The following ARSB variants were observed in gnomAD, a reference collection of about 807,000 sequenced individuals.
ARSB encodes the protein N-acetylgalactosamine-4-sulfatase.
A neutral mutation model predicts 50.9 loss-of-function variants in ARSB; 41 were observed. The observed-to-expected ratio is 0.81, with a 90% CI of 0.63 to 1.04. The LOEUF (loss-of-function observed/expected upper bound fraction) is 1.04, where lower values mean the gene tolerates loss of function less well. ARSB is among the 50% of genes least tolerant of loss of function. ARSB has a pLI of 0.00. For synonymous variants in ARSB, 269 were observed against 284.8 expected, an observed-to-expected ratio of 0.94 and a Z score of 0.56; for missense variants, 672 against 693.3, an observed-to-expected ratio of 0.97 and a Z score of 0.35.
intron 4 of ARSB, among the ~76,000 whole-genome samples, chr5:78,928,550 A>G (rs912283433): frequency 6.6e-6 from 1 of 152,086 alleles, no homozygotes; most frequent in Non-Finnish European, 1.5e-5. Flanking sequence ...TGCTGACTTC[A>G]GGTGATCCGC....
At chr5:78,785,493 T>C (rs1264525753) in intron 6 of ARSB, among the ~76,000 whole-genome samples, 1 of 152,224 alleles carries the variant, frequency 6.6e-6, no homozygotes, top group Non-Finnish European at 1.5e-5. Context: ...ATAATTATTT[T>C]GAAAACTCCC....
chr5:78,902,240 G>C (rs776296125), intron 4 of ARSB, among the ~76,000 whole-genome samples: 4 of 152,198 alleles, frequency 2.6e-5, no homozygotes, highest in Non-Finnish European at 4.4e-5. Flanking sequence ...ATCTATTCAT[G>C]ATGGCAAAAC....
In ARSB at chr5:78,920,338, G is replaced by A. The variant is rs189814718; in HGVS notation, c.899-34511C>T. On this transcript the variant is annotated intron_variant, in intron 4 of 7. Transcript: ENST00000264914. ...GTGGGAGGATCGCTTGAACCCAGGA[G>A]TTTGAGACCAGCCTGAGCAACATAG... is the stretch of plus-strand genomic sequence containing the variant. Among the ~76,000 whole-genome samples, 17 of 152,280 alleles carry A rather than the reference G, an allele frequency of 1.1e-4. No homozygotes were observed. The East Asian group carries it at 2.3e-3, about 21-fold the overall frequency.
chr5:78,814,188 C>A (rs1743911444), intron 6 of ARSB, among the ~76,000 whole-genome samples: 1 of 151,092 alleles, frequency 6.6e-6, no homozygotes, highest in South Asian at 2.1e-4. Context: ...ATATACAGAG[C>A]AAAAAGACAT....
intron 6 of ARSB, among the ~76,000 whole-genome samples, chr5:78,823,787 T>G (rs1441102076): frequency 6.6e-6 from 1 of 152,250 alleles, no homozygotes; most frequent in African/African-American, 2.4e-5. Context: ...ATCATGTTAC[T>G]TTAGGATCAG....
chr5:78,926,061 A>G (rs1201566388), intron 4 of ARSB, among the ~76,000 whole-genome samples: 1 of 152,174 alleles, frequency 6.6e-6, no homozygotes, highest in Non-Finnish European at 1.5e-5. Context: ...TTTGAACTAT[A>G]TAGTTTCTAA....
At chr5:78,964,852 A>C (rs1561530605) in intron 2 of ARSB, among the ~76,000 whole-genome samples, 1 of 138,308 alleles carries the variant, frequency 7.2e-6, no homozygotes, top group Admixed American at 6.9e-5. Flanking sequence ...ATGTAACACT[A>C]ACAGTTTTTT....
intron 6 of ARSB, among the ~76,000 whole-genome samples, chr5:78,833,948 T>C (rs769652999): frequency 8.5e-5 from 13 of 152,208 alleles, no homozygotes; most frequent in Non-Finnish European, 1.6e-4. Flanking sequence ...TTATTTTTAC[T>C]TAGGCACAAA....
Position 78,969,104 on chromosome 5 carries a change from T to G in ARSB, c.401A>C (p.Lys134Thr). 1 of 1,614,124 alleles carries G rather than the reference T, an allele frequency of 6.2e-7. No homozygotes were observed. Among genetic ancestry groups the G allele is most frequent in the Non-Finnish European group, 8.5e-7 (1 of 1,180,010 alleles). The change falls in exon 2 of 8, where the codon AAA becomes ACA. Residue 134 changes from lysine to threonine, a missense_variant. Physicochemically the swap from Lys to Thr is moderately conservative, Grantham distance 78. Coordinates refer to ENST00000264914, the MANE Select transcript of ARSB (RefSeq NM_000046.5). ...LDEKLLPQLL[K>T]EAGYTTHMVG... ...CATATGGGTAGTATAACCTGCTTCT[T>G]TTAGGAGCTGGGGCAGGAGTTTTTC...
intron 2 of ARSB, among the ~76,000 whole-genome samples, chr5:78,967,927 A>C (rs1345932710): frequency 3.3e-5 from 5 of 152,230 alleles, no homozygotes; most frequent in Non-Finnish European, 7.3e-5. Flanking sequence ...CACTATAAAA[A>C]GAACTTGAAA....
intron 6 of ARSB, among the ~76,000 whole-genome samples, chr5:78,812,902 GA>G (rs1743867054): frequency 6.6e-6 from 1 of 152,122 alleles, no homozygotes; most frequent in Non-Finnish European, 1.5e-5. Context: ...GATATGGGAG[GA>G]TTGCTGGAGC....
chr5:78,828,769 TC>T (rs34127515), intron 6 of ARSB, among the ~76,000 whole-genome samples: 58,532 of 152,000 alleles, frequency 0.39, 11,662 homozygotes, highest in African/African-American at 0.47. Context: ...CACGTCCCAA[TC>T]CCCAGGACCT....
intron 4 of ARSB, among the ~76,000 whole-genome samples, chr5:78,923,515 G>A (rs560170078): frequency 8.5e-5 from 13 of 152,240 alleles, no homozygotes; most frequent in Non-Finnish European, 1.8e-4. Flanking sequence ...CACTGTCTTA[G>A]TAAGTGTGGT....
chr5:78,790,364 A>G (rs1749203624), intron 6 of ARSB, among the ~76,000 whole-genome samples: 1 of 152,190 alleles, frequency 6.6e-6, no homozygotes, highest in African/African-American at 2.4e-5. Context: ...AAATGCAACG[A>G]TACATTAAAA....
In ARSB at chr5:78,895,773, T is replaced by C. The variant is rs115679786; in HGVS notation, c.899-9946A>G. ...CCCAGGAAGCAGGCAGGGAGATCCATGTCTGGGCTCCGGAAATGGATAGTC... is the reference window on the plus strand; with the variant it reads ...CCCAGGAAGCAGGCAGGGAGATCCACGTCTGGGCTCCGGAAATGGATAGTC... On this transcript the variant is annotated intron_variant, in intron 4 of 7. Coordinates refer to ENST00000264914, the MANE Select transcript of ARSB (RefSeq NM_000046.5). 8.3e-3 allele frequency among the ~76,000 whole-genome samples: 1,267 copies of C among 152,306 alleles called. 17 individuals carry two copies. Among genetic ancestry groups the C allele is most frequent in the African/African-American group, 0.029 (1,202 of 41,564 alleles).
In ARSB at chr5:78,856,460, C is replaced by T. The variant is rs1357524483; in HGVS notation, c.1143-17034G>A. ...CTATAATCAATATCTTAATATATGC[C>T]ATATAGGGATATTAGTACCTTGAAC... On this transcript the variant is annotated intron_variant, in intron 5 of 7. Transcript: ENST00000264914. Among the ~76,000 whole-genome samples the T allele has an allele frequency of 2.0e-5, 3 of 152,100 alleles. No homozygotes were observed. In the South Asian group the frequency reaches 6.2e-4, roughly 32 times the overall value.
intron 4 of ARSB, among the ~76,000 whole-genome samples, chr5:78,897,892 T>C (rs983335852): frequency 6.6e-6 from 1 of 152,110 alleles, no homozygotes; most frequent in Non-Finnish European, 1.5e-5. Flanking sequence ...ACTTCAAAAA[T>C]GATTAATCTA....
At chr5:78,782,769 G>T (rs1457025053) in intron 6 of ARSB, among the ~76,000 whole-genome samples, 2 of 152,184 alleles carry the variant, frequency 1.3e-5, no homozygotes, top group African/African-American at 4.8e-5. Context: ...GTAGCAGAGA[G>T]ATCTTGTTTG....
chr5:78,849,709 C>T (rs1238282455), intron 5 of ARSB, among the ~76,000 whole-genome samples: 1 of 146,650 alleles, frequency 6.8e-6, no homozygotes, highest in Admixed American at 7.0e-5. Context: ...AATGTTCTTC[C>T]ATTTGTTTGT....
Sources: gnomAD v4.1 joint callset for allele counts (sites outside exome capture counted in the v4.1 genomes callset) on GRCh38, gnomAD v4.1.1 for gene constraint, MANE v1.5 for transcripts, NCBI Gene and HGNC (gene_info 2026-07-23, HGNC 2026-07-21) for gene names.